Variants in C1orf159 observed in about 807,000 individuals in gnomAD.
C1orf159 encodes uncharacterized protein C1orf159.
Under a neutral mutation model 25.6 loss-of-function variants are expected in C1orf159, and 19 were observed. The ratio of observed to expected loss-of-function variants is 0.74; its 90% CI spans 0.52 to 1.09. The LOEUF (loss-of-function observed/expected upper bound fraction) is 1.09, where lower values mean the gene tolerates loss of function less well. Ranked by LOEUF, C1orf159 falls within the 50% of genes least tolerant of loss-of-function variation. The pLI is 0.00. For missense variants in C1orf159, 274 were observed against 290.6 expected (o/e 0.94, Z 0.42); for synonymous variants, 139 against 124.7 (o/e 1.12, Z -0.77).
chr1:1,084,049 C>T (rs778491369), intron 9 of C1orf159: 1 of 1,609,270 alleles, frequency 6.2e-7, no homozygotes, highest in South Asian at 1.1e-5. Flanking sequence ...GGGGTCTGCC[C>T]TGTCGTGGTG....
chr1:1,094,781 C>T (rs1443239768), intron 1 of C1orf159, among the ~76,000 whole-genome samples: 2 of 152,148 alleles, frequency 1.3e-5, no homozygotes, highest in Admixed American at 6.6e-5. Context: ...AAATTGAATG[C>T]ATCCATTTTT....
chr1:1,093,462 C>T (rs565281387), intron 1 of C1orf159, among the ~76,000 whole-genome samples: 3 of 152,260 alleles, frequency 2.0e-5, no homozygotes, highest in Non-Finnish European at 4.4e-5. Context: ...CCACCACAGC[C>T]AGGACGGTGC....
chr1:1,108,814 C>T (rs1646216411), intron 1 of C1orf159, among the ~76,000 whole-genome samples: 1 of 109,858 alleles, frequency 9.1e-6, no homozygotes, highest in Non-Finnish European at 1.7e-5. Flanking sequence ...ACCATGTCTG[C>T]AGCAGCATTG....
At chr1:1,096,002 T>C (rs1646004338) in intron 1 of C1orf159, among the ~76,000 whole-genome samples, 1 of 152,240 alleles carries the variant, frequency 6.6e-6, no homozygotes, top group Non-Finnish European at 1.5e-5. Context: ...AACAACCTTG[T>C]ATCACTAGGA....
At chr1:1,106,197 T>C (rs1218302931) in intron 1 of C1orf159, 1 of 152,202 alleles carries the variant, frequency 6.6e-6, no homozygotes, top group Non-Finnish European at 1.5e-5. Flanking sequence ...ATAAAGATGG[T>C]AGACTCCAAC....
chr1:1,114,068 C>G (rs1460067000), intron 1 of C1orf159, among the ~76,000 whole-genome samples: 2 of 152,140 alleles, frequency 1.3e-5, no homozygotes, highest in East Asian at 1.9e-4. Flanking sequence ...AGGCGCCCGC[C>G]ACCATGCCCG....
Position 1,092,122 on chromosome 1 carries a change from G to A in C1orf159, c.-135-19C>T, listed in dbSNP as rs984691246. On this transcript the variant is annotated intron_variant, in intron 1 of 9. Coordinates refer to ENST00000421241, the MANE Select transcript of C1orf159 (RefSeq NM_017891.5). ...CCCAGTCCTGCAGATGAAGACAGCA[G>A]GTGAGGCCGTGGTCACGCGAGGGCA... 7.5e-6 allele frequency: 3 copies of A among 399,642 alleles called. No homozygotes were observed. The highest frequency in any genetic ancestry group is 6.2e-5 in the African/African-American group (3 of 48,244). The allele number at this position is 399,642 out of a possible 1,614,324, so 24.8% of individuals were successfully genotyped here.
At chr1:1,105,461 G>A (rs772598879) in intron 1 of C1orf159, among the ~76,000 whole-genome samples, 17 of 151,988 alleles carry the variant, frequency 1.1e-4, no homozygotes, top group East Asian at 1.9e-4. Flanking sequence ...AGCCGAGATC[G>A]CGCCACCACA....
chr1:1,094,112 G>T (rs573088186), intron 1 of C1orf159, among the ~76,000 whole-genome samples: 16 of 151,326 alleles, frequency 1.1e-4, no homozygotes, highest in Admixed American at 2.6e-4. Context: ...TGGCAGGGGT[G>T]GGGGGCATAG....
At chr1:1,099,858 GGAGA>G (rs1300496657) in intron 1 of C1orf159, among the ~76,000 whole-genome samples, 9 of 150,264 alleles carry the variant, frequency 6.0e-5, no homozygotes, top group African/African-American at 2.2e-4. Context: ...TCTAAGAATT[GGAGA>G]GAGAGAGGTT....
rs1292108068 is a variant in C1orf159, at chr1:1,085,907, A to G, written c.416T>C (p.Leu139Pro). ...GFFYLKRSSK[L>P]PRACYRRNKA... ...GTTTCTTCTGTAGCAGGCCCTGGGG[A>G]GTTTACTGGAGCGCTTGAGGTAGAA... Residue 139 changes from leucine (L) to proline (P), a missense_variant, in exon 7 of 10, where the codon CTC becomes CCC. Coordinates refer to ENST00000421241, the MANE Select transcript of C1orf159 (RefSeq NM_017891.5). The G allele has an allele frequency of 6.2e-7, 1 of 1,612,528 alleles. No individual in the cohort carries two copies. Among genetic ancestry groups the G allele is most frequent in the Non-Finnish European group, 8.5e-7 (1 of 1,179,580 alleles).
At position 1,091,739 on chromosome 1, in the gene C1orf159, G is replaced by A. The variant is rs1291167377; in HGVS notation, c.-22-174C>T. 4 of 551,814 alleles carry A rather than the reference G, an allele frequency of 7.2e-6. No homozygotes were observed. In the South Asian group the frequency reaches 7.3e-5, roughly 10 times the overall value. The allele number at this position is 551,814 out of a possible 1,614,324, so 34.2% of individuals were successfully genotyped here. A position where few individuals can be genotyped will look rare whatever the true frequency, so the allele number is the denominator to read the frequency against. On this transcript the variant is annotated intron_variant, in intron 2 of 9. Transcript: ENST00000421241. ...TGGTGGAGGGTGGGGCCAAATGGAA[G>A]TGGGCGGGGCTGTGGTGGAGGGTGG...
chr1:1,114,560 T>G (rs1646307578), intron 1 of C1orf159, among the ~76,000 whole-genome samples: 1 of 152,174 alleles, frequency 6.6e-6, no homozygotes, highest in South Asian at 2.1e-4. Context: ...CTGAGGTGAC[T>G]GCGTGTGGAA....
At chr1:1,083,930 G>A (rs1177532955) in intron 9 of C1orf159, 3 of 1,590,380 alleles carry the variant, frequency 1.9e-6, no homozygotes, top group African/African-American at 2.7e-5. Flanking sequence ...TGACTCTTGG[G>A]TCCGCCTGAC....
intron 1 of C1orf159, among the ~76,000 whole-genome samples, chr1:1,097,769 T>C (rs547566733): frequency 6.6e-5 from 10 of 152,164 alleles, no homozygotes; most frequent in Non-Finnish European, 1.3e-4. Context: ...TAGAGGTTTG[T>C]CAATCTTTCC....
chr1:1,090,492 G>A (rs779444758), intron 3 of C1orf159, 64 bp from the exon 4 acceptor site: 213 of 1,505,658 alleles, frequency 1.4e-4, no homozygotes, highest in Non-Finnish European at 1.9e-4. Context: ...GCCCAGAGCA[G>A]CAGCGGCTGA....
At chr1:1,098,221 C>G (rs1386711512) in intron 1 of C1orf159, among the ~76,000 whole-genome samples, 1 of 152,042 alleles carries the variant, frequency 6.6e-6, no homozygotes, top group African/African-American at 2.4e-5. Context: ...AGGTGTGCAC[C>G]ACCACGCCCA....
chr1:1,085,320 G>A (rs78152835), intron 7 of C1orf159: 9,012 of 406,020 alleles, frequency 0.022, 502 homozygotes, highest in African/African-American at 0.13. Context: ...CCTGGACAAC[G>A]AGGGCAGGCA....
At position 1,087,106 on chromosome 1, in the gene C1orf159, C is replaced by A. The variant is rs752363906; in HGVS notation, c.310+33G>T. 1.3e-6 allele frequency: 2 copies of A among 1,593,342 alleles called. No individual in the cohort carries two copies. The highest frequency in any genetic ancestry group is 1.7e-6 in the Non-Finnish European group (2 of 1,171,304). ...CGACGGCCCCCAGCCCCCAGGACAC[C>A]GGCAGAGGTGGCTGTGGCCTGCTGA... is the stretch of plus-strand genomic sequence containing the variant. On this transcript the variant is annotated intron_variant, in intron 6 of 9. Transcript: ENST00000421241. The surrounding 1 kb of genome is among the most constrained non-coding windows in gnomAD (Gnocchi z 8.3).
Sources: allele counts gnomAD v4.1 joint callset (sites outside exome capture counted in the v4.1 genomes callset), GRCh38; gene constraint gnomAD v4.1.1; non-coding constraint Gnocchi (gnomAD v3.1); transcripts MANE v1.5; gene names NCBI Gene and HGNC (gene_info 2026-07-23, HGNC 2026-07-21).